Variants in SGCE observed in about 807,000 individuals in gnomAD.
The protein encoded by SGCE is epsilon-sarcoglycan.
In SGCE, 26 loss-of-function variants were observed where a neutral mutation model predicts 57.8. The observed-to-expected ratio is 0.45, with a 90% confidence interval of 0.33 to 0.62. The LOEUF is 0.62. Among genes scored for constraint, SGCE ranks in the 20% least tolerant of loss-of-function variants. The pLI, the probability that SGCE is intolerant of heterozygous loss-of-function variation, is 0.02. For synonymous variants in SGCE, 183 were observed against 189.5 expected (o/e 0.97, Z 0.28); for missense variants, 468 against 548.6 (o/e 0.85, Z 1.47).
At chr7:94,645,359 A>G (rs1426267937) in intron 1 of SGCE, among the ~76,000 whole-genome samples, 1 of 152,210 alleles carries the variant, frequency 6.6e-6, no homozygotes, top group Non-Finnish European at 1.5e-5. Context: ...AATCTCATGC[A>G]CTATGGGCAC....
Position 94,585,414 on chromosome 7 carries a change from A to G in SGCE, c.*85T>C, listed in dbSNP as rs902033423. ...TGCATAACATATGCCAGAAAAGCTC[A>G]TGCATTATTGGAAGAGAAAAGAAAT... On this transcript the variant is annotated 3_prime_UTR_variant, in exon 11 of 11. Transcript: ENST00000648936. 8.9e-5 allele frequency: 106 copies of G among 1,188,214 alleles called. 1 individual carries two copies. The highest frequency in any genetic ancestry group is 1.3e-4 in the Non-Finnish European group (105 of 792,194). 73.6% of individuals were successfully genotyped at this position (1,188,214 alleles called of 1,614,324 possible). A position where few individuals can be genotyped will look rare whatever the true frequency, so the allele number is the denominator to read the frequency against.
rs2116561746 is a variant in SGCE, at chr7:94,588,147, G to T, written c.1297+542C>A. ...TTTAGGGACACTTGAAAGAAATAAAGAAAGCAAGTCTTAGGGAAATAGAAT... is the reference window on the plus strand; with the variant it reads ...TTTAGGGACACTTGAAAGAAATAAATAAAGCAAGTCTTAGGGAAATAGAAT... On this transcript the variant is annotated intron_variant, in intron 10 of 10. Transcript: ENST00000648936. 4.4e-6 allele frequency: 5 copies of T among 1,128,858 alleles called. 1 individual carries two copies. Among genetic ancestry groups the T allele is most frequent in the East Asian group, 1.1e-4 (2 of 17,876 alleles). 69.9% of individuals were successfully genotyped at this position (1,128,858 alleles called of 1,614,324 possible).
At chr7:94,623,289 A>G (rs1312995783) in intron 4 of SGCE, 36 bp downstream of exon 4, 1 of 1,299,254 alleles carries the variant, frequency 7.7e-7, no homozygotes, top group Admixed American at 1.8e-5. Flanking sequence ...AATACTTCTT[A>G]TAAATAAGAA....
intron 5 of SGCE, among the ~76,000 whole-genome samples, chr7:94,604,806 AATATATATATATATAT>A (rs59162734): frequency 0.011 from 495 of 44,318 alleles, 5 homozygotes; most frequent in East Asian, 0.026. Flanking sequence ...ATGGTGCTGG[AATATATATATATATAT>A]ATATATATAT....
intron 9 of SGCE, chr7:94,598,567 G>T (rs920437201): frequency 8.6e-6 from 5 of 583,666 alleles, no homozygotes; most frequent in African/African-American, 7.5e-5. Context: ...GTCTTGTTTG[G>T]ATCAGTGGGG....
intron 5 of SGCE, chr7:94,616,785 AT>A (rs1292334539): frequency 6.6e-6 from 1 of 152,154 alleles, no homozygotes; most frequent in African/African-American, 2.4e-5. Context: ...GTAAGATTTT[AT>A]TTTATGAGTG....
intron 6 of SGCE, among the ~76,000 whole-genome samples, chr7:94,601,294 A>G (rs1216551751): frequency 6.6e-6 from 1 of 151,848 alleles, no homozygotes. Context: ...TAAGTTTAGC[A>G]AAAGAAAAAA....
chr7:94,623,627 T>C (rs1011781422), intron 3 of SGCE: 1 of 500,970 alleles, frequency 2.0e-6, no homozygotes, highest in African/African-American at 2.0e-5. Context: ...AAAGTTAAAA[T>C]CAGAAAGACT....
chr7:94,637,939 C>T (rs1032807194), intron 1 of SGCE, among the ~76,000 whole-genome samples: 3 of 152,132 alleles, frequency 2.0e-5, no homozygotes, highest in Non-Finnish European at 4.4e-5. Flanking sequence ...GTGAAGGACA[C>T]CGGGGACCCA....
chr7:94,641,128 C>A lies in SGCE; in HGVS notation c.110-11287G>T, dbSNP rs532459457. Among the ~76,000 whole-genome samples, 8 of 152,196 alleles carry A rather than the reference C, an allele frequency of 5.3e-5. No individual in the cohort carries two copies. The South Asian group carries it at 1.7e-3, about 32-fold the overall frequency. ...AATGAAGTCTGAAGAGTAACATAAG[C>A]CAACAGAAGAGAGATGTCAAGAAGG... On this transcript the variant is annotated intron_variant, in intron 1 of 10. Coordinates refer to ENST00000648936, the MANE Select transcript of SGCE (RefSeq NM_003919.3).
chr7:94,634,826 T>C (rs569699275), intron 1 of SGCE, among the ~76,000 whole-genome samples: 29 of 152,328 alleles, frequency 1.9e-4, no homozygotes, highest in Non-Finnish European at 3.4e-4. Context: ...GCAGAAACTC[T>C]GTTATAAAAT....
At chr7:94,599,645 C>G in intron 8 of SGCE, 52 bp downstream of exon 8, 2 of 1,474,862 alleles carry the variant, frequency 1.4e-6, no homozygotes, top group East Asian at 2.3e-5. Flanking sequence ...TGATGGGCAA[C>G]TGAGAGGTGG....
chr7:94,623,898 C>A, intron 3 of SGCE: 1 of 359,612 alleles, frequency 2.8e-6, no homozygotes, highest in Non-Finnish European at 4.9e-6. Flanking sequence ...GAAATCATAT[C>A]TCACTTACGA....
chr7:94,589,119 G>T, intron 9 of SGCE: 1 of 228,440 alleles, frequency 4.4e-6, no homozygotes, highest in Non-Finnish European at 8.8e-6. Flanking sequence ...TACACTTTCA[G>T]ATCCAGATCA....
chr7:94,654,860 G>A (rs1212214182), intron 1 of SGCE, among the ~76,000 whole-genome samples: 1 of 152,148 alleles, frequency 6.6e-6, no homozygotes, highest in African/African-American at 2.4e-5. Context: ...CTCAGCTGTA[G>A]ACAATTTGGT....
At chr7:94,620,250 C>T (rs997046762) in intron 4 of SGCE, 1 of 152,098 alleles carries the variant, frequency 6.6e-6, no homozygotes, top group African/African-American at 2.4e-5. Flanking sequence ...AAGAAACTAA[C>T]GCTTCAGAAT....
At chr7:94,603,150 GA>G in intron 6 of SGCE, 139 bp downstream of exon 6, 1 of 653,226 alleles carries the variant, frequency 1.5e-6, no homozygotes, top group Admixed American at 2.6e-5. Context: ...GAGCTTACCA[GA>G]TCCTTAATCT....
At chr7:94,604,832 T>TAC (rs1799828140) in intron 5 of SGCE, among the ~76,000 whole-genome samples, 1 of 63,620 alleles carries the variant, frequency 1.6e-5, no homozygotes, top group African/African-American at 5.0e-5. Flanking sequence ...TATATATATA[T>TAC]ATATATATAT....
chr7:94,606,741 G>A (rs1005596980), intron 5 of SGCE, among the ~76,000 whole-genome samples: 1 of 152,092 alleles, frequency 6.6e-6, no homozygotes, highest in Admixed American at 6.5e-5. Context: ...AAATTTAAAG[G>A]AATGGAAATC....
Sources: gnomAD v4.1 joint callset for allele counts (sites outside exome capture counted in the v4.1 genomes callset) on GRCh38, gnomAD v4.1.1 for gene constraint, MANE v1.5 for transcripts, NCBI Gene and HGNC (gene_info 2026-07-23, HGNC 2026-07-21) for gene names.